HIPK2: variants seen among roughly 807,000 people sequenced by gnomAD.
The protein encoded by HIPK2 is homeodomain-interacting protein kinase 2.
HIPK2 carries 27 observed loss-of-function variants against 113.7 expected under a neutral mutation model. The observed-to-expected ratio is 0.24, with a 90% CI of 0.17 to 0.33. HIPK2 has a LOEUF of 0.33. Ranked by LOEUF, HIPK2 falls within the 10% of genes least tolerant of loss-of-function variation. The pLI is 1.00. For synonymous variants in HIPK2, 631 were observed against 642.2 expected (o/e 0.98, Z 0.26); for missense variants, 1,257 against 1,588.0 (o/e 0.79, Z 3.54).
chr7:139,618,579 C>T (rs6467864), intron 7 of HIPK2, among the ~76,000 whole-genome samples: 3 of 151,972 alleles, frequency 2.0e-5, no homozygotes, highest in East Asian at 3.9e-4. Context: ...GATGAGCAAC[C>T]CTTTTAGTTT....
chr7:139,609,203 G>C (rs1266584856), intron 9 of HIPK2, among the ~76,000 whole-genome samples: 1 of 152,192 alleles, frequency 6.6e-6, no homozygotes, highest in East Asian at 1.9e-4. Flanking sequence ...CATGGGGCTT[G>C]GGAGGATGGA....
intron 2 of HIPK2, among the ~76,000 whole-genome samples, chr7:139,671,753 T>A (rs1318074243): frequency 6.6e-6 from 1 of 152,188 alleles, no homozygotes; most frequent in Admixed American, 6.5e-5. Flanking sequence ...GGTTTCACCA[T>A]GTTGGCCAGG....
intron 2 of HIPK2, among the ~76,000 whole-genome samples, chr7:139,669,067 A>G (rs552257152): frequency 4.6e-4 from 70 of 152,374 alleles, no homozygotes; most frequent in African/African-American, 1.5e-3. Context: ...AATAAAATCA[A>G]TGATGCAGCC....
chr7:139,748,459 G>A (rs146441096), intron 1 of HIPK2, among the ~76,000 whole-genome samples: 6 of 151,938 alleles, frequency 3.9e-5, no homozygotes, highest in Admixed American at 2.0e-4. Flanking sequence ...CGACAGGGCC[G>A]GCTCCCTCCG....
chr7:139,746,543 T>C (rs1455993902), intron 1 of HIPK2, among the ~76,000 whole-genome samples: 1 of 152,208 alleles, frequency 6.6e-6, no homozygotes, highest in South Asian at 2.1e-4. Context: ...TGGCACACTG[T>C]AGGCACTACC....
chr7:139,567,524 G>A lies in HIPK2; in HGVS notation c.*5403C>T, dbSNP rs1397207795. On this transcript the variant is annotated 3_prime_UTR_variant, in exon 15 of 15. Transcript: ENST00000406875. ...TTTGTCCATTTCTGGAGGCGTCTTT[G>A]AGAAGGGTTCTTTGGCTAAAGAAAG... 1 of 152,148 alleles carries A rather than the reference G, an allele frequency of 6.6e-6. No homozygotes were observed. Among genetic ancestry groups the A allele is most frequent in the Non-Finnish European group, 1.5e-5 (1 of 68,030 alleles). The allele number at this position is 152,148 out of a possible 1,614,324, so 9.4% of individuals were successfully genotyped here. A position where few individuals can be genotyped will look rare whatever the true frequency, so the allele number is the denominator to read the frequency against.
intron 6 of HIPK2, among the ~76,000 whole-genome samples, chr7:139,622,809 T>C (rs1800279387): frequency 6.6e-6 from 1 of 152,172 alleles, no homozygotes; most frequent in South Asian, 2.1e-4. Flanking sequence ...CTTTCCTTCT[T>C]AGGCTAATTT....
chr7:139,740,460 G>A (rs767677697), intron 1 of HIPK2, among the ~76,000 whole-genome samples: 3 of 152,192 alleles, frequency 2.0e-5, no homozygotes, highest in South Asian at 4.1e-4. Context: ...TCTCTCTACC[G>A]TCCCTCACCA....
Position 139,630,881 on chromosome 7 carries a change from G to A in HIPK2, c.1347+284C>T, listed in dbSNP as rs1325712691. Among the ~76,000 whole-genome samples, 1 of 152,262 alleles carries A rather than the reference G, an allele frequency of 6.6e-6. No individual in the cohort carries two copies. The stretch of plus-strand genomic sequence containing the variant: ...TGGACTGCCAGCTCTCAAGGGCAGA[G>A]TGGGGTTCGTTTCTCTCCCTAGCAC... On this transcript the variant is annotated intron_variant, in intron 4 of 14. Coordinates refer to ENST00000406875, the MANE Select transcript of HIPK2 (RefSeq NM_022740.5). This position sits in a 1 kb window ranked among gnomAD's most constrained non-coding sequence, Gnocchi z 4.0.
At chr7:139,730,524 C>G (rs1795744631) in intron 1 of HIPK2, among the ~76,000 whole-genome samples, 1 of 152,116 alleles carries the variant, frequency 6.6e-6, no homozygotes, top group African/African-American at 2.4e-5. Flanking sequence ...ACATGCCCGG[C>G]TAATTTTTGT....
chr7:139,573,319 C>T lies in HIPK2; in HGVS notation c.3205G>A (p.Ala1069Thr), dbSNP rs1798372985. Residue 1069 changes from alanine to threonine, a missense_variant, in exon 15 of 15, where the codon GCT (alanine) becomes ACT (threonine). Ala to Thr is a moderately conservative substitution (Grantham distance 58). Coordinates refer to ENST00000406875, the MANE Select transcript of HIPK2 (RefSeq NM_022740.5). ...QAYITPTMAQ[A>T]PYSFPHNSPS... ...CTGTTGTGCGGGAAGGAGTACGGAG[C>T]CTGGGCCATGGTGGGAGTGATGTAG... The T allele has an allele frequency of 1.2e-6, 2 of 1,605,418 alleles. No individual in the cohort carries two copies. The highest frequency in any genetic ancestry group is 1.3e-5 in the African/African-American group (1 of 74,986).
chr7:139,673,932 A>G (rs1301544027), intron 2 of HIPK2, among the ~76,000 whole-genome samples: 1 of 149,126 alleles, frequency 6.7e-6, no homozygotes, highest in Admixed American at 6.7e-5. Flanking sequence ...AGCTAGGCAG[A>G]CTGCAGACTA....
In HIPK2 at chr7:139,723,173, G is replaced by A. The variant is rs560854514; in HGVS notation, c.20-6158C>T. On this transcript the variant is annotated intron_variant, in intron 1 of 14. Transcript: ENST00000406875. ...ATTTCTTGAAGTCTTAACTCACACA[G>A]TTACGGTTTTTTTCTTTCTTCTTTT... Among the ~76,000 whole-genome samples the A allele has an allele frequency of 8.0e-5, 12 of 149,452 alleles. No homozygotes were observed. The East Asian group carries it at 2.2e-3, about 27-fold the overall frequency.
intron 1 of HIPK2, among the ~76,000 whole-genome samples, chr7:139,726,656 A>T (rs903837677): frequency 6.6e-6 from 1 of 152,232 alleles, no homozygotes; most frequent in Non-Finnish European, 1.5e-5. Flanking sequence ...ACCAGCACCC[A>T]GTTCCTACTT....
chr7:139,579,376 G>T (rs1798593825), intron 13 of HIPK2, among the ~76,000 whole-genome samples: 1 of 152,220 alleles, frequency 6.6e-6, no homozygotes, highest in South Asian at 2.1e-4. Context: ...CTGTCTCAAT[G>T]AAGTATCCTA....
In HIPK2 at chr7:139,570,906, G is replaced by A. The variant is rs1167061111; in HGVS notation, c.*2021C>T. 6.6e-6 allele frequency: 1 copy of A among 152,168 alleles called. No homozygotes were observed. The allele number at this position is 152,168 out of a possible 1,614,324, so 9.4% of individuals were successfully genotyped here. ...GCCATTCACATTCACATATTTCAGA[G>A]TTATTTACTATGAAGAGAGGGAACT... On this transcript the variant is annotated 3_prime_UTR_variant, in exon 15 of 15. Transcript: ENST00000406875.
At chr7:139,640,931 G>T (rs1258955237) in intron 2 of HIPK2, among the ~76,000 whole-genome samples, 1 of 152,148 alleles carries the variant, frequency 6.6e-6, no homozygotes, top group African/African-American at 2.4e-5. Flanking sequence ...ATTTTTTAAA[G>T]CCACTTTCTT....
rs1214202376 is a variant in HIPK2, at chr7:139,596,575, A to G, written c.2717+142T>C. 61 of 1,075,214 alleles carry G rather than the reference A, an allele frequency of 5.7e-5. No individual in the cohort carries two copies. In the South Asian group the frequency reaches 9.3e-4, roughly 16 times the overall value. The allele number at this position is 1,075,214 out of a possible 1,614,324, so 66.6% of individuals were successfully genotyped here. ...TTTGACATTCCCTTGAAATAACTTT[A>G]GGACCACAGTAGATGGCAAAACCAA... On this transcript the variant is annotated intron_variant, in intron 12 of 14. Transcript: ENST00000406875.
rs905544241 is a variant in HIPK2 at position 139,564,913 on chromosome 7, T to A, written c.*8014A>T. On this transcript the variant is annotated 3_prime_UTR_variant, in exon 15 of 15. Coordinates refer to ENST00000406875, the MANE Select transcript of HIPK2 (RefSeq NM_022740.5). ...TAGCTAAAAACATATATACTTAACA[T>A]GTGCATTTGAACATCGCATTTGAGT... 6.6e-6 allele frequency: 1 copy of A among 151,876 alleles called. No individual in the cohort carries two copies. The allele number at this position is 151,876 out of a possible 1,614,324, so 9.4% of individuals were successfully genotyped here.
Sources: gnomAD v4.1 joint callset for allele counts (sites outside exome capture counted in the v4.1 genomes callset) on GRCh38, gnomAD v4.1.1 for gene constraint, Gnocchi (gnomAD v3.1) non-coding constraint, MANE v1.5 for transcripts, NCBI Gene and HGNC (gene_info 2026-07-23, HGNC 2026-07-21) for gene names.